The following TMEM143 variants were observed in gnomAD, a reference collection of about 807,000 sequenced individuals.
TMEM143 encodes the protein transmembrane protein 143.
TMEM143 carries 45 observed loss-of-function variants against 40.3 expected under a neutral mutation model. The ratio of observed to expected loss-of-function variants is 1.12; its 90% CI spans 0.88 to 1.43. The LOEUF is 1.43. Ranked by LOEUF, TMEM143 falls within the 40% of genes most tolerant of loss-of-function variation. The probability of loss-of-function intolerance (pLI) is 0.00; values close to 1 mark genes in which losing one functional copy is unlikely to be tolerated. For synonymous variants in TMEM143, 299 were observed against 282.7 expected (o/e 1.06, Z -0.58); for missense variants, 620 against 613.4 (o/e 1.01, Z -0.11).
In TMEM143 at chr19:48,334,081, CT is replaced by C; in HGVS notation, c.1091del (p.Glu364GlyfsTer40). ...GAGCCAGCAGCGCCTCCTTGGTGTG[CT>C]CGTCCTGCGCGCGCAGGGCCAGGGC... ...LSALALRAQD[E>X]HTKEALLAHS... On this transcript the variant is annotated frameshift_variant, in exon 7 of 8. Transcript: ENST00000293261. LOFTEE classifies it high-confidence loss of function. 3.8e-6 allele frequency: 6 copies of C among 1,588,500 alleles called. No homozygotes were observed. Among genetic ancestry groups the C allele is most frequent in the Non-Finnish European group, 5.1e-6 (6 of 1,168,876 alleles).
chr19:48,361,712 G>A (rs1970044780), intron 2 of TMEM143, among the ~76,000 whole-genome samples: 1 of 151,386 alleles, frequency 6.6e-6, no homozygotes, highest in African/African-American at 2.4e-5. Flanking sequence ...TGTATTTTTA[G>A]TAGAGACGGT....
In TMEM143 at chr19:48,343,437, C is replaced by A; in HGVS notation, c.579G>T (p.Leu193Phe). ...AGAAGTGAATGTAGACATACTGATC[C>A]AAATTTACTGTCACCTGCCGGGGGG... The part of the protein sequence containing the change: ...PQDEVQVTVN[L>F]DQYVYIHFWA... Residue 193 changes from leucine to phenylalanine, a missense_variant, in exon 5 of 8, where the codon TTG becomes TTT. Physicochemically the swap from Leu to Phe is conservative, Grantham distance 22. Coordinates refer to ENST00000293261, the MANE Select transcript of TMEM143 (RefSeq NM_018273.4). The A allele has an allele frequency of 6.3e-7, 1 of 1,580,560 alleles. No individual in the cohort carries two copies. The highest frequency in any genetic ancestry group is 1.8e-5 in the Admixed American group (1 of 54,382).
At chr19:48,352,072 C>G (rs1367710959) in intron 3 of TMEM143, among the ~76,000 whole-genome samples, 1 of 151,336 alleles carries the variant, frequency 6.6e-6, no homozygotes, top group East Asian at 2.0e-4. Context: ...ATGATGAAAC[C>G]CTGTCTCTAC....
chr19:48,333,353 G>C lies in TMEM143; in HGVS notation c.1246C>G (p.Arg416Gly). ...SGCEVTFNGTRALAHLQALTP... is the reference protein window; with the variant it reads ...SGCEVTFNGTGALAHLQALTP... ...AGGGCCTGCAGATGCGCCAGGGCCC[G>C]AGTTCCGTTGAAGGTCACCTCACAG... The change falls in exon 8 of 8, where the codon CGG becomes GGG. Residue 416 changes from arginine (R) to glycine (G), a missense_variant. Transcript: ENST00000293261. This position sits in a 1 kb window ranked among gnomAD's most constrained non-coding sequence, Gnocchi z 4.1. 6.2e-7 allele frequency: 1 copy of C among 1,610,128 alleles called. No individual in the cohort carries two copies. Among genetic ancestry groups the C allele is most frequent in the Non-Finnish European group, 8.5e-7 (1 of 1,177,226 alleles).
chr19:48,363,861 C>T (rs781147015), intron 1 of TMEM143, 37 bp downstream of exon 1: 2 of 1,613,706 alleles, frequency 1.2e-6, no homozygotes, highest in Non-Finnish European at 1.7e-6. Flanking sequence ...GCAGGGCCGC[C>T]CTCCCTGGCC....
intron 3 of TMEM143, 161 bp downstream of exon 3, chr19:48,359,911 G>C: frequency 1.6e-6 from 1 of 635,580 alleles, no homozygotes; most frequent in Non-Finnish European, 2.7e-6. Context: ...TCCCCACTTG[G>C]AATGTTGGCT....
Position 48,363,392 on chromosome 19 carries a change from G to T in TMEM143, c.163C>A (p.Arg55Ser), listed in dbSNP as rs761946927. Residue 55 changes from arginine to serine, a missense_variant, in exon 2 of 8, where the codon CGC becomes AGC. By Grantham distance (110) the Arg-to-Ser change is moderately radical. Transcript: ENST00000293261. ...GGCTCCCTGGGGTTCCACATCTTGC[G>T]ATACTCCCCCATTTTGGCTGCCAGC... Reference protein sequence around the residue: ...SSLAAKMGEYRKMWNPREPRD... With the variant: ...SSLAAKMGEYSKMWNPREPRD... 1.2e-6 allele frequency: 2 copies of T among 1,614,190 alleles called. No individual in the cohort carries two copies. The highest frequency in any genetic ancestry group is 1.7e-6 in the Non-Finnish European group (2 of 1,180,024).
At chr19:48,344,030 G>T (rs1214382762) in intron 4 of TMEM143, among the ~76,000 whole-genome samples, 3 of 151,900 alleles carry the variant, frequency 2.0e-5, no homozygotes, top group African/African-American at 7.3e-5. Flanking sequence ...GGGACTACAG[G>T]CACCCGCCAC....
chr19:48,362,461 T>C (rs531833397), intron 2 of TMEM143, among the ~76,000 whole-genome samples: 2 of 152,010 alleles, frequency 1.3e-5, no homozygotes, highest in Admixed American at 6.6e-5. Flanking sequence ...GAGGCAGAGG[T>C]TGCAGTGAGC....
rs200364296 is a variant in TMEM143 at position 48,342,536 on chromosome 19, G to C, written c.969C>G (p.Ala323=). ...LLFAIFMGLR[A]SKMFGQRRSA... is the part of the protein sequence containing the mutation. ...GTGGCAGGCGCATGCTCACCTTGGA[G>C]GCCCGCAGGCCCATGAAGATGGCGA... Residue 323 remains alanine, a synonymous_variant, in exon 6 of 8, where the codon GCC becomes GCG. Transcript: ENST00000293261. The C allele has an allele frequency of 2.5e-6, 4 of 1,606,040 alleles. No individual in the cohort carries two copies. The African/African-American group carries it at 5.3e-5, about 21-fold the overall frequency.
chr19:48,361,172 T>C (rs1600929611), intron 2 of TMEM143, among the ~76,000 whole-genome samples: 1 of 151,772 alleles, frequency 6.6e-6, no homozygotes, highest in East Asian at 1.9e-4. Flanking sequence ...CTGTGGGAAA[T>C]GACTGCTATC....
chr19:48,352,414 C>T (rs1328591549), intron 3 of TMEM143, among the ~76,000 whole-genome samples: 4 of 151,064 alleles, frequency 2.6e-5, no homozygotes, highest in Admixed American at 2.6e-4. Context: ...AGCGATCCTC[C>T]TGCCTCAGCC....
chr19:48,343,181 C>T, intron 5 of TMEM143, 140 bp downstream of exon 5: 1 of 1,086,054 alleles, frequency 9.2e-7, no homozygotes, highest in South Asian at 1.6e-5. Flanking sequence ...GAAAAGACAG[C>T]ATTTGGATGA....
Position 48,363,377 on chromosome 19 carries a change from G to C in TMEM143, c.178C>G (p.Pro60Ala), listed in dbSNP as rs973693760. The change falls in exon 2 of 8, where the codon CCC becomes GCC. Residue 60 changes from proline (P) to alanine (A), a missense_variant. Pro to Ala is a conservative substitution (Grantham distance 27). Coordinates refer to ENST00000293261, the MANE Select transcript of TMEM143 (RefSeq NM_018273.4). ...TGGGCCCAGTCGCGGGGCTCCCTGG[G>C]GTTCCACATCTTGCGATACTCCCCC... ...KMGEYRKMWN[P>A]REPRDWAQQY... 3.1e-6 allele frequency: 5 copies of C among 1,614,078 alleles called. No homozygotes were observed. The Admixed American group carries it at 5.0e-5, about 16-fold the overall frequency.
At position 48,332,863 on chromosome 19, in the gene TMEM143, C is replaced by T. The variant is rs1291100915; in HGVS notation, c.*356G>A. The T allele has an allele frequency of 5.6e-6, 1 of 178,890 alleles. No individual in the cohort carries two copies. Among genetic ancestry groups the T allele is most frequent in the Non-Finnish European group, 1.2e-5 (1 of 85,836 alleles). The allele number at this position is 178,890 out of a possible 1,614,324, so 11.1% of individuals were successfully genotyped here. A position where few individuals can be genotyped will look rare whatever the true frequency, so the allele number is the denominator to read the frequency against. On this transcript the variant is annotated 3_prime_UTR_variant, in exon 8 of 8. Coordinates refer to ENST00000293261, the MANE Select transcript of TMEM143 (RefSeq NM_018273.4). ...TAGTCTCGGGAGGGCGCAGCTTTAA[C>T]TCTTCTACCTGGCGGTTTACAGAAG...
In TMEM143 at chr19:48,333,541, G is replaced by C. The variant is rs761327408; in HGVS notation, c.1166-108C>G. ...AAGAACAGGAAGGGCCTGGGTTTGG[G>C]AGAAGCCTAGGAGTGATCTTGAGGC... On this transcript the variant is annotated intron_variant, in intron 7 of 7. Transcript: ENST00000293261. This position sits in a 1 kb window ranked among gnomAD's most constrained non-coding sequence, Gnocchi z 4.1. The C allele has an allele frequency of 1.4e-6, 1 of 738,188 alleles. No homozygotes were observed. Among genetic ancestry groups the C allele is most frequent in the Non-Finnish European group, 2.2e-6 (1 of 453,218 alleles). 45.7% of individuals were successfully genotyped at this position (738,188 alleles called of 1,614,324 possible).
intron 3 of TMEM143, among the ~76,000 whole-genome samples, chr19:48,349,997 A>ATTTTTTT (rs71181679): frequency 1.8e-5 from 2 of 109,018 alleles, no homozygotes; most frequent in Non-Finnish European, 1.7e-5. Flanking sequence ...TCTACATTTA[A>ATTTTTTT]TTTTTTTTTT....
At chr19:48,363,264 G>A (rs552144308) in intron 2 of TMEM143, 27 bp downstream of exon 2, 1 of 1,596,330 alleles carries the variant, frequency 6.3e-7, no homozygotes, top group South Asian at 1.1e-5. Flanking sequence ...GTAGTCCCCA[G>A]GCTCTTGGGC....
At chr19:48,362,575 T>C (rs1186951633) in intron 2 of TMEM143, among the ~76,000 whole-genome samples, 1 of 152,096 alleles carries the variant, frequency 6.6e-6, no homozygotes, top group Non-Finnish European at 1.5e-5. Flanking sequence ...AAATCCTCAA[T>C]AATGACAATG....
Sources: gnomAD v4.1 joint callset for allele counts (sites outside exome capture counted in the v4.1 genomes callset) on GRCh38, gnomAD v4.1.1 for gene constraint, Gnocchi (gnomAD v3.1) non-coding constraint, MANE v1.5 for transcripts, NCBI Gene and HGNC (gene_info 2026-07-23, HGNC 2026-07-21) for gene names.